The following WASHC2C variants were observed in gnomAD, a reference collection of about 807,000 sequenced individuals.
The protein encoded by WASHC2C is WASH complex subunit 2C.
WASHC2C carries 73 observed loss-of-function variants against 142.2 expected under a neutral mutation model. That is an observed-to-expected ratio of 0.51 (90% CI 0.43 to 0.62). WASHC2C has a LOEUF of 0.62. Among genes scored for constraint, WASHC2C ranks in the 20% least tolerant of loss-of-function variants. The pLI, the probability that WASHC2C is intolerant of heterozygous loss-of-function variation, is 0.00. For synonymous variants in WASHC2C, 337 were observed against 565.5 expected (o/e 0.60, Z 5.73); for missense variants, 969 against 1,531.7 (o/e 0.63, Z 6.13).
At chr10:45,770,612 T>C (rs1554884278) in intron 20 of WASHC2C, among the ~76,000 whole-genome samples, 1 of 152,248 alleles carries the variant, frequency 6.6e-6, no homozygotes, top group Non-Finnish European at 1.5e-5. Flanking sequence ...CGTCATTTGA[T>C]AGATTCAGAA....
chr10:45,756,643 A>C (rs1285355787), intron 15 of WASHC2C, among the ~76,000 whole-genome samples: 1 of 152,084 alleles, frequency 6.6e-6, no homozygotes, highest in African/African-American at 2.4e-5. Flanking sequence ...AGCAGGAGCC[A>C]AGCCTTCATT....
rs1410458649 is a variant in WASHC2C at position 45,728,960 on chromosome 10, A to G, written c.225A>G (p.Thr75=). 3 of 1,614,014 alleles carry G rather than the reference A, an allele frequency of 1.9e-6. No homozygotes were observed. The highest frequency in any genetic ancestry group is 2.5e-6 in the Non-Finnish European group (3 of 1,179,870). The part of the protein sequence containing the change: ...VDGLIRETKA[T]DCRLHNVFND... ...GACTAATCCGGGAAACCAAAGCCAC[A>G]GATTGTCGCCTGCATAATGTCTTCA... is the stretch of plus-strand genomic sequence containing the variant. The change falls in exon 3 of 31, where the codon ACA becomes ACG. Residue 75 remains threonine, a synonymous_variant. Coordinates refer to ENST00000623400, the MANE Select transcript of WASHC2C (RefSeq NM_001330074.2).
intron 17 of WASHC2C, among the ~76,000 whole-genome samples, chr10:45,762,860 T>G (rs2055304024): frequency 6.6e-6 from 1 of 152,152 alleles, no homozygotes; most frequent in Non-Finnish European, 1.5e-5. Context: ...GAGCCGAGAT[T>G]GCACCACTGC....
chr10:45,773,588 G>A (rs2056802281), intron 21 of WASHC2C, among the ~76,000 whole-genome samples: 1 of 152,300 alleles, frequency 6.6e-6, no homozygotes, highest in Admixed American at 6.5e-5. Context: ...CTGGGTCTCA[G>A]AAGAGGCTTG....
At chr10:45,747,842 C>A (rs2053038433) in intron 8 of WASHC2C, among the ~76,000 whole-genome samples, 1 of 150,748 alleles carries the variant, frequency 6.6e-6, no homozygotes, top group Admixed American at 6.6e-5. Flanking sequence ...ACTTTGCCCT[C>A]CCAGAGTACT....
chr10:45,784,284 A>ATATATG lies in WASHC2C; in HGVS notation c.2479-276_2479-275insGTATAT, dbSNP rs2057818266. On this transcript the variant is annotated intron_variant, in intron 23 of 30. Coordinates refer to ENST00000623400, the MANE Select transcript of WASHC2C (RefSeq NM_001330074.2). ...TATATATATATATATATATATATATATATATACACATATATATATATATAT... is the reference window on the plus strand; with the variant it reads ...TATATATATATATATATATATATATATATATGTATATACACATATATATATATATAT... 7.7e-4 allele frequency among the ~76,000 whole-genome samples: 5 copies of ATATATG among 6,488 alleles called. No homozygotes were observed. In the Admixed American group the frequency reaches 0.015, roughly 19 times the overall value. The allele number at this position is 6,488 out of a possible 152,430, so 4.3% of individuals were successfully genotyped here. A position where few individuals can be genotyped will look rare whatever the true frequency, so the allele number is the denominator to read the frequency against.
chr10:45,790,369 C>T lies in WASHC2C; in HGVS notation c.3722C>T (p.Ala1241Val). Reference sequence around the variant, plus strand: ...TGGCTTAACAAGGATGATATATTTGCTACGGAAGCAATTAAACCCTCTCAG... The same window carrying T: ...TGGCTTAACAAGGATGATATATTTGTTACGGAAGCAATTAAACCCTCTCAG... ...TQDIFEDDIF[A>V]TEAIKPSQKT... Residue 1241 changes from alanine to valine, a missense_variant, in exon 30 of 31, where the codon GCT becomes GTT. Transcript: ENST00000623400. 1 of 1,608,192 alleles carries T rather than the reference C, an allele frequency of 6.2e-7. No individual in the cohort carries two copies. The highest frequency in any genetic ancestry group is 8.5e-7 in the Non-Finnish European group (1 of 1,179,070).
intron 8 of WASHC2C, among the ~76,000 whole-genome samples, chr10:45,749,825 CA>C (rs1168283573): frequency 1.4e-4 from 11 of 77,218 alleles, no homozygotes; most frequent in Admixed American, 3.0e-4. Flanking sequence ...GACTCCATCT[CA>C]AAAAAAAAAA....
At chr10:45,782,463 G>A (rs1282917548) in intron 23 of WASHC2C, among the ~76,000 whole-genome samples, 2 of 149,558 alleles carry the variant, frequency 1.3e-5, no homozygotes, top group Non-Finnish European at 3.0e-5. Flanking sequence ...GGGAAGTAAC[G>A]AGTGTTGGTA....
Position 45,787,226 on chromosome 10 carries a change from C to T in WASHC2C, c.3066C>T (p.Asp1022=). 2 of 1,492,618 alleles carry T rather than the reference C, an allele frequency of 1.3e-6. No individual in the cohort carries two copies. The highest frequency in any genetic ancestry group is 1.2e-5 in the South Asian group (1 of 83,054). 92.5% of individuals were successfully genotyped at this position (1,492,618 alleles called of 1,614,324 possible). ...GTTTTGATCTTCCAGCTCAGGCAGA[C>T]ACCTTACACAGTGCAAACAAGGTGA... ...GVSFDLPAQA[D]TLHSANKSRV... Residue 1022 remains aspartate (D), a synonymous_variant, in exon 28 of 31, where the codon GAC becomes GAT. Coordinates refer to ENST00000623400, the MANE Select transcript of WASHC2C (RefSeq NM_001330074.2).
intron 3 of WASHC2C, among the ~76,000 whole-genome samples, chr10:45,735,325 GT>G (rs1554864073): frequency 6.6e-6 from 1 of 150,876 alleles, no homozygotes; most frequent in Non-Finnish European, 1.5e-5. Flanking sequence ...TGCCTCCCAA[GT>G]TTAAGCGATT....
chr10:45,746,853 TAGAAA>T (rs1235754737), intron 8 of WASHC2C, among the ~76,000 whole-genome samples: 5 of 152,338 alleles, frequency 3.3e-5, no homozygotes, highest in Admixed American at 1.3e-4. Flanking sequence ...TTATTTTTCT[TAGAAA>T]AGAAGTTTCA....
At chr10:45,775,019 A>G (rs2056929495) in intron 21 of WASHC2C, among the ~76,000 whole-genome samples, 1 of 117,346 alleles carries the variant, frequency 8.5e-6, no homozygotes. Flanking sequence ...GCTTCATCCA[A>G]TAGGCAGGTT....
At position 45,750,130 on chromosome 10, in the gene WASHC2C, A is replaced by G. The variant is rs782399411; in HGVS notation, c.767A>G (p.Asp256Gly). The G allele has an allele frequency of 3.7e-6, 6 of 1,611,470 alleles. No homozygotes were observed. Among genetic ancestry groups the G allele is most frequent in the Non-Finnish European group, 5.1e-6 (6 of 1,179,758 alleles). The change falls in exon 9 of 31, where the codon GAT becomes GGT. Residue 256 changes from aspartate to glycine, a missense_variant. Asp to Gly is a moderately conservative substitution (Grantham distance 94). Coordinates refer to ENST00000623400, the MANE Select transcript of WASHC2C (RefSeq NM_001330074.2). The part of the protein sequence containing the change: ...TTQMSDEEED[D>G]DGCDLFADSE... ...CAAATGAGTGATGAGGAAGAGGATGATGATGGCTGTGACCTTTTTGCTGAC... is the reference window on the plus strand; with the variant it reads ...CAAATGAGTGATGAGGAAGAGGATGGTGATGGCTGTGACCTTTTTGCTGAC...
intron 3 of WASHC2C, 128 bp from the exon 4 acceptor site, chr10:45,737,855 C>T (rs1221469709): frequency 1.9e-6 from 3 of 1,586,492 alleles, no homozygotes; most frequent in Non-Finnish European, 2.6e-6. Flanking sequence ...TGGTAGTGGT[C>T]TCAGCCCTTT....
intron 3 of WASHC2C, among the ~76,000 whole-genome samples, chr10:45,734,006 G>A (rs2050910900): frequency 6.6e-6 from 1 of 151,990 alleles, no homozygotes; most frequent in African/African-American, 2.4e-5. Flanking sequence ...GGCGGATCAG[G>A]AGGTCAGGAG....
chr10:45,775,128 A>G (rs1407947832), intron 21 of WASHC2C, among the ~76,000 whole-genome samples: 3 of 141,622 alleles, frequency 2.1e-5, no homozygotes, highest in Non-Finnish European at 4.6e-5. Context: ...CCATATGGCC[A>G]AGATGCAGCC....
At chr10:45,742,253 A>G (rs1348495763) in intron 5 of WASHC2C, among the ~76,000 whole-genome samples, 1 of 152,256 alleles carries the variant, frequency 6.6e-6, no homozygotes, top group Non-Finnish European at 1.5e-5. Flanking sequence ...TCTAAATTCA[A>G]CAGTGTGGAA....
At position 45,788,927 on chromosome 10, in the gene WASHC2C, G is replaced by A. The variant is rs1411901528; in HGVS notation, c.3144G>A (p.Leu1048=). The change falls in exon 29 of 31, where the codon CTG becomes CTA. Residue 1048 remains leucine (L), a synonymous_variant. Coordinates refer to ENST00000623400, the MANE Select transcript of WASHC2C (RefSeq NM_001330074.2). ...CGCAGACCCGTGCAGCTAGGCGGCT[G>A]GCTGCTCAGGAGTCCAGCGAGGCTG... ...RRPQTRAARR[L]AAQESSEAED... 6.2e-7 allele frequency: 1 copy of A among 1,611,936 alleles called. No homozygotes were observed. Among genetic ancestry groups the A allele is most frequent in the Non-Finnish European group, 8.5e-7 (1 of 1,179,874 alleles).
Sources: allele counts gnomAD v4.1 joint callset (sites outside exome capture counted in the v4.1 genomes callset), GRCh38; gene constraint gnomAD v4.1.1; transcripts MANE v1.5; gene names NCBI Gene and HGNC (gene_info 2026-07-23, HGNC 2026-07-21).